KCNAB1: variants seen among roughly 807,000 people sequenced by gnomAD.
KCNAB1 encodes the protein voltage-gated potassium channel subunit beta-1.
KCNAB1 carries 35 observed loss-of-function variants against 64.6 expected under a neutral mutation model. That is an observed-to-expected ratio of 0.54 (90% CI 0.41 to 0.72). The LOEUF (loss-of-function observed/expected upper bound fraction) is 0.72, where lower values mean the gene tolerates loss of function less well. KCNAB1 is among the 30% of genes least tolerant of loss of function. KCNAB1 has a pLI of 0.00. For synonymous variants in KCNAB1, 177 were observed against 183.8 expected (o/e 0.96, Z 0.30); for missense variants, 401 against 512.9 (o/e 0.78, Z 2.11).
intron 1 of KCNAB1, among the ~76,000 whole-genome samples, chr3:156,334,132 T>G (rs191927972): frequency 9.2e-5 from 14 of 152,204 alleles, no homozygotes; most frequent in African/African-American, 3.1e-4. Flanking sequence ...TGGTTTTATT[T>G]TTTGCATTTA....
chr3:156,469,468 A>G (rs1213292490), intron 7 of KCNAB1, among the ~76,000 whole-genome samples: 1 of 151,962 alleles, frequency 6.6e-6, no homozygotes, highest in Non-Finnish European at 1.5e-5. Context: ...CATGTTGGCC[A>G]GACTGGTCTC....
At chr3:156,224,276 C>T (rs1174488143) in intron 1 of KCNAB1, among the ~76,000 whole-genome samples, 1 of 152,252 alleles carries the variant, frequency 6.6e-6, no homozygotes, top group Non-Finnish European at 1.5e-5. Context: ...GCAAGCACCG[C>T]ACGCAGCCCC....
intron 1 of KCNAB1, among the ~76,000 whole-genome samples, chr3:156,296,731 C>T (rs1227964802): frequency 6.6e-6 from 1 of 152,116 alleles, no homozygotes; most frequent in East Asian, 1.9e-4. Context: ...CCTCGGCCTC[C>T]CAAAGTGCTG....
At chr3:156,297,648 A>G (rs1039721213) in intron 1 of KCNAB1, among the ~76,000 whole-genome samples, 20 of 152,146 alleles carry the variant, frequency 1.3e-4, no homozygotes, top group Admixed American at 7.2e-4. Context: ...ATTAAAGCAC[A>G]TGTCACAGTC....
intron 2 of KCNAB1, among the ~76,000 whole-genome samples, chr3:156,439,224 A>ATTTTTTTTTTTTTTTT (rs56259743): frequency 1.7e-5 from 2 of 115,120 alleles, no homozygotes; most frequent in African/African-American, 3.3e-5. Flanking sequence ...CATCATTGTG[A>ATTTTTTTTTTTTTTTT]TTTTTTTTTT....
At chr3:156,307,267 C>G (rs1193863779) in intron 1 of KCNAB1, among the ~76,000 whole-genome samples, 5 of 152,014 alleles carry the variant, frequency 3.3e-5, no homozygotes, top group African/African-American at 1.2e-4. Context: ...ACATGAGTCT[C>G]CAGACTTAGC....
intron 1 of KCNAB1, among the ~76,000 whole-genome samples, chr3:156,400,169 A>G (rs140773885): frequency 6.6e-6 from 1 of 152,356 alleles, no homozygotes; most frequent in African/African-American, 2.4e-5. Flanking sequence ...AGAAGAAAAG[A>G]TTACAAAAGT....
chr3:156,485,538 T>A (rs533082873), intron 8 of KCNAB1, among the ~76,000 whole-genome samples: 32 of 152,102 alleles, frequency 2.1e-4, no homozygotes, highest in African/African-American at 7.7e-4. Context: ...TTTTGCTTTT[T>A]TGGGGGGGGC....
chr3:156,301,357 A>G (rs1189703781), intron 1 of KCNAB1, among the ~76,000 whole-genome samples: 2 of 152,198 alleles, frequency 1.3e-5, no homozygotes, highest in Non-Finnish European at 2.9e-5. Context: ...TTTGAGGAAA[A>G]TAAACCTTTT....
chr3:156,234,197 T>G (rs1461840102), intron 1 of KCNAB1, among the ~76,000 whole-genome samples: 1 of 150,890 alleles, frequency 6.6e-6, no homozygotes, highest in Non-Finnish European at 1.5e-5. Flanking sequence ...GAACAGACAG[T>G]GAGGAAGGAG....
Position 156,516,281 on chromosome 3 carries a change from A to G in KCNAB1, c.877A>G (p.Met293Val), listed in dbSNP as rs1439525267. The part of the protein sequence containing the change: ...ELYHKIGVGA[M>V]TWSPLACGII... Reference sequence around the variant, plus strand: ...TTTTTCTTCTGTAGGTGTTGGCGCAATGACATGGTCTCCACTTGCCTGTGG... The same window carrying G: ...TTTTTCTTCTGTAGGTGTTGGCGCAGTGACATGGTCTCCACTTGCCTGTGG... Residue 293 changes from methionine to valine, a missense_variant, in exon 11 of 14, where the codon ATG becomes GTG. Met to Val is a conservative substitution (Grantham distance 21). Transcript: ENST00000490337. 9 of 1,613,696 alleles carry G rather than the reference A, an allele frequency of 5.6e-6. No homozygotes were observed. Among genetic ancestry groups the G allele is most frequent in the Non-Finnish European group, 7.6e-6 (9 of 1,179,704 alleles).
At chr3:156,395,544 CAAAAAAAAAAAAAAAAAAAAAAAAAAAAA>C (rs61017269) in intron 1 of KCNAB1, among the ~76,000 whole-genome samples, 1 of 25,446 alleles carries the variant, frequency 3.9e-5, no homozygotes, top group Non-Finnish European at 1.1e-4. Context: ...GACTCCGTCT[CAAAAAAAAAAAAAAAAAAAAAAAAAAAAA>C]AAAAAAAAAA....
chr3:156,505,939 C>T (rs1423413613), intron 8 of KCNAB1, among the ~76,000 whole-genome samples: 1 of 152,176 alleles, frequency 6.6e-6, no homozygotes, highest in Non-Finnish European at 1.5e-5. Flanking sequence ...GGAGATGATG[C>T]CAAACCATTC....
chr3:156,320,134 C>T (rs1397175585), intron 1 of KCNAB1, among the ~76,000 whole-genome samples: 2 of 152,176 alleles, frequency 1.3e-5, no homozygotes, highest in African/African-American at 2.4e-5. Context: ...CACAGGGTGT[C>T]AGGGAGCCAT....
chr3:156,227,326 G>C (rs1218056419), intron 1 of KCNAB1, among the ~76,000 whole-genome samples: 2 of 152,114 alleles, frequency 1.3e-5, no homozygotes, highest in East Asian at 1.9e-4. Context: ...AAAGACAAAG[G>C]ACATTGTTCT....
intron 1 of KCNAB1, among the ~76,000 whole-genome samples, chr3:156,162,490 T>C (rs1315733058): frequency 6.6e-6 from 1 of 152,104 alleles, no homozygotes; most frequent in Admixed American, 6.5e-5. Context: ...GAGAGAACAG[T>C]TGTCTTATTT....
At chr3:156,392,438 G>T (rs1241487592) in intron 1 of KCNAB1, among the ~76,000 whole-genome samples, 1 of 152,018 alleles carries the variant, frequency 6.6e-6, no homozygotes, top group Non-Finnish European at 1.5e-5. Context: ...CCTATTTCTG[G>T]GCTCAAGTTT....
At chr3:156,434,866 C>T (rs562719271) in intron 2 of KCNAB1, among the ~76,000 whole-genome samples, 8 of 152,172 alleles carry the variant, frequency 5.3e-5, no homozygotes, top group Non-Finnish European at 1.0e-4. Flanking sequence ...GACACCCTTC[C>T]ACAGTGGCAG....
chr3:156,241,293 C>T (rs901458685), intron 1 of KCNAB1, among the ~76,000 whole-genome samples: 2 of 152,134 alleles, frequency 1.3e-5, no homozygotes, highest in African/African-American at 4.8e-5. Context: ...GCAAATCTTC[C>T]CATACCTCCT....
Sources: gnomAD v4.1 joint callset for allele counts (sites outside exome capture counted in the v4.1 genomes callset) on GRCh38, gnomAD v4.1.1 for gene constraint, MANE v1.5 for transcripts, NCBI Gene and HGNC (gene_info 2026-07-23, HGNC 2026-07-21) for gene names.